KCNJ1: variants seen among roughly 807,000 people sequenced by gnomAD.
KCNJ1 encodes the protein potassium inwardly rectifying channel subfamily J member 1, also known as ATP-sensitive inward rectifier potassium channel 1.
In KCNJ1, 24 loss-of-function variants were observed where a neutral mutation model predicts 21.9. The ratio of observed to expected loss-of-function variants is 1.10; its 90% confidence interval spans 0.79 to 1.54. The LOEUF (loss-of-function observed/expected upper bound fraction) is 1.54, where lower values mean the gene tolerates loss of function less well. Among genes scored for constraint, KCNJ1 ranks in the 40% most tolerant of loss-of-function variants. The pLI, the probability that KCNJ1 is intolerant of heterozygous loss-of-function variation, is 0.00. For synonymous variants in KCNJ1, 152 were observed against 160.9 expected, an observed-to-expected ratio of 0.94 and a Z score of 0.42; for missense variants, 457 against 455.4, an observed-to-expected ratio of 1.00 and a Z score of -0.03.
At position 128,864,074 on chromosome 11, in the gene KCNJ1, C is replaced by CTTTTT. The variant is rs71472076; in HGVS notation, c.-192+3094_-192+3098dup. Among the ~76,000 whole-genome samples, 41 of 86,694 alleles carry CTTTTT rather than the reference C, an allele frequency of 4.7e-4. 1 individual carries two copies. Among genetic ancestry groups the CTTTTT allele is most frequent in the East Asian group, 6.6e-4 (2 of 3,050 alleles). 56.9% of individuals were successfully genotyped at this position (86,694 alleles called of 152,430 possible). On this transcript the variant is annotated intron_variant, in intron 1 of 2. Transcript: ENST00000392666. ...TTCTTTTTCTTTTTTCTTTTTCTCT[C>CTTTTT]TTTTTTTTTTTTTTTTTTTTTTTTT...
At chr11:128,863,197 A>T (rs566533307) in intron 1 of KCNJ1, among the ~76,000 whole-genome samples, 2 of 152,304 alleles carry the variant, frequency 1.3e-5, no homozygotes, top group Admixed American at 1.3e-4. Flanking sequence ...TTCCCTGGGG[A>T]TATGGTGACA....
intron 1 of KCNJ1, among the ~76,000 whole-genome samples, chr11:128,864,229 G>A (rs192757545): frequency 5.1e-4 from 77 of 151,780 alleles, no homozygotes; most frequent in African/African-American, 1.7e-3. Flanking sequence ...TGGGACTACA[G>A]GTGTGTGCCA....
rs1943207985 is a variant in KCNJ1, at chr11:128,838,488, C to T, written c.*637G>A. On this transcript the variant is annotated 3_prime_UTR_variant, in exon 3 of 3. Coordinates refer to ENST00000392666, the MANE Select transcript of KCNJ1 (RefSeq NM_153766.3). ...ATCCAATACAGATTGAAAGAAATATCATCACCACTTTTAACTAAAGCATTC... is the reference window on the plus strand; with the variant it reads ...ATCCAATACAGATTGAAAGAAATATTATCACCACTTTTAACTAAAGCATTC... The T allele has an allele frequency of 6.5e-6, 1 of 153,484 alleles. No individual in the cohort carries two copies. Among genetic ancestry groups the T allele is most frequent in the Non-Finnish European group, 1.4e-5 (1 of 69,026 alleles). 9.5% of individuals were successfully genotyped at this position (153,484 alleles called of 1,614,324 possible).
At position 128,839,029 on chromosome 11, in the gene KCNJ1, C is replaced by T. The variant is rs538273867; in HGVS notation, c.*96G>A. ...GCTGGTAGACTTTGAAGGCTCTCAT[C>T]CTACTTTCGTACCCCTAAATTGTTG... On this transcript the variant is annotated 3_prime_UTR_variant, in exon 3 of 3. Coordinates refer to ENST00000392666, the MANE Select transcript of KCNJ1 (RefSeq NM_153766.3). 3.5e-5 allele frequency: 39 copies of T among 1,110,594 alleles called. No individual in the cohort carries two copies. In the East Asian group the frequency reaches 9.3e-4, roughly 27 times the overall value. 68.8% of individuals were successfully genotyped at this position (1,110,594 alleles called of 1,614,324 possible).
intron 1 of KCNJ1, among the ~76,000 whole-genome samples, chr11:128,852,448 C>A (rs1310507510): frequency 6.6e-6 from 1 of 152,220 alleles, no homozygotes; most frequent in Non-Finnish European, 1.5e-5. Context: ...CATTGACCCT[C>A]AAAGGGTCAA....
rs1249687563 is a variant in KCNJ1, at chr11:128,838,418, G to C, written c.*707C>G. ...CCAACTCCTCATTGCTGTCTTCGAA[G>C]AGCAGGAAATGCTCTTTATAAACAG... On this transcript the variant is annotated 3_prime_UTR_variant, in exon 3 of 3. Coordinates refer to ENST00000392666, the MANE Select transcript of KCNJ1 (RefSeq NM_153766.3). 6.6e-6 allele frequency: 1 copy of C among 152,254 alleles called. No individual in the cohort carries two copies. The highest frequency in any genetic ancestry group is 1.5e-5 in the Non-Finnish European group (1 of 68,080). 9.4% of individuals were successfully genotyped at this position (152,254 alleles called of 1,614,324 possible). A position where few individuals can be genotyped will look rare whatever the true frequency, so the allele number is the denominator to read the frequency against.
At chr11:128,847,911 C>G (rs1180633964) in intron 2 of KCNJ1, among the ~76,000 whole-genome samples, 1 of 152,020 alleles carries the variant, frequency 6.6e-6, no homozygotes, top group Admixed American at 6.6e-5. Flanking sequence ...CTCTGTCATC[C>G]AGATTGGAGT....
At chr11:128,857,990 TA>T (rs1002111045) in intron 1 of KCNJ1, among the ~76,000 whole-genome samples, 2 of 152,100 alleles carry the variant, frequency 1.3e-5, no homozygotes, top group African/African-American at 4.8e-5. Flanking sequence ...TTAAAAGTTT[TA>T]AAAAGTGCAA....
chr11:128,858,184 G>A (rs1943625133), intron 1 of KCNJ1, among the ~76,000 whole-genome samples: 1 of 151,626 alleles, frequency 6.6e-6, no homozygotes, highest in Non-Finnish European at 1.5e-5. Flanking sequence ...GCGAGGGATG[G>A]GGAGGGATGA....
At chr11:128,854,090 G>T (rs140337094) in intron 1 of KCNJ1, among the ~76,000 whole-genome samples, 1 of 129,148 alleles carries the variant, frequency 7.7e-6, no homozygotes, top group African/African-American at 3.0e-5. Flanking sequence ...GTCTGAGAAC[G>T]GTGTTTGGTT....
intron 1 of KCNJ1, chr11:128,866,436 G>T: frequency 3.2e-6 from 1 of 311,364 alleles, no homozygotes; most frequent in Non-Finnish European, 4.7e-6. Context: ...TTTTCCTAAA[G>T]ATTGCTGGTT....
intron 1 of KCNJ1, among the ~76,000 whole-genome samples, chr11:128,854,786 C>G (rs368716128): frequency 1.3e-5 from 2 of 152,154 alleles, no homozygotes; most frequent in Non-Finnish European, 2.9e-5. Context: ...TAGCACAAAT[C>G]GTAATGATCT....
intron 1 of KCNJ1, among the ~76,000 whole-genome samples, chr11:128,858,930 G>C (rs1943645088): frequency 6.6e-6 from 1 of 152,194 alleles, no homozygotes; most frequent in South Asian, 2.1e-4. Flanking sequence ...CCTGAAAGGT[G>C]GTAGTGTATT....
chr11:128,860,522 G>A (rs1158241978), intron 1 of KCNJ1, among the ~76,000 whole-genome samples: 3 of 152,230 alleles, frequency 2.0e-5, no homozygotes, highest in Non-Finnish European at 2.9e-5. Context: ...TCTCTGTGCC[G>A]TCACTAAGTC....
chr11:128,850,429 A>G (rs1329130544), intron 2 of KCNJ1, among the ~76,000 whole-genome samples: 1 of 152,202 alleles, frequency 6.6e-6, no homozygotes, highest in African/African-American at 2.4e-5. Context: ...CTACCCCAGC[A>G]CCAGGCAGAG....
intron 2 of KCNJ1, among the ~76,000 whole-genome samples, chr11:128,849,614 G>A (rs1220141642): frequency 2.0e-5 from 3 of 152,202 alleles, no homozygotes; most frequent in African/African-American, 7.2e-5. Flanking sequence ...AGAGGGGCCT[G>A]GCAGAGCCAG....
intron 2 of KCNJ1, among the ~76,000 whole-genome samples, chr11:128,845,896 C>T (rs1399623549): frequency 6.6e-6 from 1 of 152,082 alleles, no homozygotes; most frequent in Non-Finnish European, 1.5e-5. Context: ...AAGGGCCTTC[C>T]TAGGTGCCTC....
At chr11:128,863,513 G>A (rs1943755658) in intron 1 of KCNJ1, among the ~76,000 whole-genome samples, 1 of 152,140 alleles carries the variant, frequency 6.6e-6, no homozygotes. Flanking sequence ...AGTAACAACA[G>A]GCTTCTTCTG....
rs1183594981 is a variant in KCNJ1 at position 128,867,295 on chromosome 11, G to A, written c.-314C>T. The A allele has an allele frequency of 1.3e-5, 2 of 152,116 alleles. No individual in the cohort carries two copies. Among genetic ancestry groups the A allele is most frequent in the Non-Finnish European group, 2.9e-5 (2 of 68,030 alleles). 9.4% of individuals were successfully genotyped at this position (152,116 alleles called of 1,614,324 possible). A position where few individuals can be genotyped will look rare whatever the true frequency, so the allele number is the denominator to read the frequency against. On this transcript the variant is annotated 5_prime_UTR_variant, in exon 1 of 3. Transcript: ENST00000392666. Reference sequence around the variant, plus strand: ...TGATGCAAGAGTTTGGATATGCTAGGTGAGGGTACCCGAGGCCCTGTTGAT... The same window carrying A: ...TGATGCAAGAGTTTGGATATGCTAGATGAGGGTACCCGAGGCCCTGTTGAT...
Sources: allele counts gnomAD v4.1 joint callset (sites outside exome capture counted in the v4.1 genomes callset), GRCh38; gene constraint gnomAD v4.1.1; transcripts MANE v1.5; gene names NCBI Gene and HGNC (gene_info 2026-07-23, HGNC 2026-07-21).